The following XKR9 variants were observed in gnomAD, a reference collection of about 807,000 sequenced individuals.
XKR9 encodes the protein XK related 9, also known as XK-related protein 9.
In XKR9, 32 loss-of-function variants were observed where a neutral mutation model predicts 32.0. The ratio of observed to expected loss-of-function variants is 1.00; its 90% CI spans 0.76 to 1.34. The LOEUF (loss-of-function observed/expected upper bound fraction) is 1.34, where lower values mean the gene tolerates loss of function less well. XKR9 is among the 40% of genes most tolerant of loss of function. The pLI, the probability that XKR9 is intolerant of heterozygous loss-of-function variation, is 0.00. For missense variants in XKR9, 546 were observed against 429.7 expected (o/e 1.27, Z -2.39); for synonymous variants, 168 against 143.4 (o/e 1.17, Z -1.22).
chr8:70,986,050 A>G, the XKR9 span, among the ~76,000 whole-genome samples: 1 of 152,224 alleles, frequency 6.6e-6, no homozygotes, highest in Non-Finnish European at 1.5e-5. Flanking sequence ...TTACAGACCA[A>G]ATAATAATAC....
chr8:71,047,854 G>A, the XKR9 span, among the ~76,000 whole-genome samples: 5 of 152,152 alleles, frequency 3.3e-5, no homozygotes, highest in Non-Finnish European at 7.3e-5. Flanking sequence ...ATTTGTATAT[G>A]GAAGCACTTA....
Position 70,734,452 on chromosome 8 carries a change from T to A in XKR9, c.*28T>A, listed in dbSNP as rs1258072777. On this transcript the variant is annotated 3_prime_UTR_variant, in exon 5 of 5. Transcript: ENST00000408926. ...TATTCATTTATGATATATATTTTCT[T>A]ATATTTTGTTTCATTGGTTAGTAAA... The A allele has an allele frequency of 1.0e-5, 15 of 1,469,054 alleles. No homozygotes were observed. The highest frequency in any genetic ancestry group is 1.4e-5 in the African/African-American group (1 of 69,968). 91.0% of individuals were successfully genotyped at this position (1,469,054 alleles called of 1,614,324 possible).
the XKR9 span, among the ~76,000 whole-genome samples, chr8:70,862,657 A>G: frequency 6.6e-6 from 1 of 151,422 alleles, no homozygotes; most frequent in Non-Finnish European, 1.5e-5. Context: ...TTTATATACT[A>G]TATCTAATAA....
At chr8:70,924,305 C>A in the XKR9 span, among the ~76,000 whole-genome samples, 5 of 152,188 alleles carry the variant, frequency 3.3e-5, no homozygotes, top group Non-Finnish European at 7.4e-5. Context: ...TCCTGTTTTT[C>A]TTCCACCTGG....
chr8:70,976,683 T>C, the XKR9 span, among the ~76,000 whole-genome samples: 4 of 152,316 alleles, frequency 2.6e-5, no homozygotes, highest in South Asian at 6.2e-4. Context: ...AATTCTCTTT[T>C]TTTGTTATGT....
the XKR9 span, among the ~76,000 whole-genome samples, chr8:70,824,519 C>T: frequency 6.6e-6 from 1 of 151,928 alleles, no homozygotes; most frequent in Non-Finnish European, 1.5e-5. Flanking sequence ...TCAGTAGACC[C>T]AAGGAACAGG....
chr8:70,818,578 CT>C, the XKR9 span, among the ~76,000 whole-genome samples: 1 of 152,008 alleles, frequency 6.6e-6, no homozygotes, highest in Admixed American at 6.6e-5. Context: ...TCTGAGTGTC[CT>C]TAGGGATTCT....
chr8:70,810,444 T>C, the XKR9 span, among the ~76,000 whole-genome samples: 3 of 152,050 alleles, frequency 2.0e-5, no homozygotes, highest in Non-Finnish European at 4.4e-5. Flanking sequence ...ATAACAACAT[T>C]AACTTTAAAT....
At chr8:70,746,742 C>T (rs1298411023) in intron 2 of XKR9, among the ~76,000 whole-genome samples, 1 of 151,546 alleles carries the variant, frequency 6.6e-6, no homozygotes, top group Non-Finnish European at 1.5e-5. Flanking sequence ...AAACTTAATC[C>T]CCAATATGGC....
At chr8:70,955,270 C>T in the XKR9 span, among the ~76,000 whole-genome samples, 1 of 152,158 alleles carries the variant, frequency 6.6e-6, no homozygotes, top group African/African-American at 2.4e-5. Flanking sequence ...TAACACTCTG[C>T]TTGTTCTCTG....
intron 2 of XKR9, among the ~76,000 whole-genome samples, chr8:70,777,656 G>C (rs75175069): frequency 1.3e-5 from 2 of 152,048 alleles, no homozygotes; most frequent in Non-Finnish European, 2.9e-5. Context: ...ATTCTAACTG[G>C]CATGAGATGG....
the XKR9 span, among the ~76,000 whole-genome samples, chr8:71,018,183 A>G: frequency 3.2e-4 from 48 of 152,314 alleles, no homozygotes; most frequent in East Asian, 5.8e-3. Context: ...GGAAAAGCAA[A>G]GCAAAGACTT....
chr8:70,919,166 CAT>C, the XKR9 span, among the ~76,000 whole-genome samples: 1 of 152,138 alleles, frequency 6.6e-6, no homozygotes, highest in Non-Finnish European at 1.5e-5. Flanking sequence ...CTCTGCAATT[CAT>C]AGTCTGTCTT....
chr8:70,697,970 G>A (rs1174377890), intron 3 of XKR9, among the ~76,000 whole-genome samples: 1 of 152,048 alleles, frequency 6.6e-6, no homozygotes, highest in African/African-American at 2.4e-5. Flanking sequence ...GTTTATTTGT[G>A]TAGAGGTGTT....
the XKR9 span, among the ~76,000 whole-genome samples, chr8:71,057,178 A>G: frequency 4.6e-5 from 7 of 152,206 alleles, no homozygotes; most frequent in South Asian, 1.5e-3. Context: ...AACTTCACAC[A>G]ACAGTCAGGC....
At chr8:70,689,405 G>A (rs1320507861) in intron 3 of XKR9, among the ~76,000 whole-genome samples, 1 of 150,026 alleles carries the variant, frequency 6.7e-6, no homozygotes, top group Admixed American at 6.7e-5. Flanking sequence ...AGTATGGATT[G>A]GTATAATTTC....
Position 70,706,914 on chromosome 8 carries a change from GT to G in XKR9, c.273-16del. 1 of 1,571,370 alleles carries G rather than the reference GT, an allele frequency of 6.4e-7. No individual in the cohort carries two copies. The highest frequency in any genetic ancestry group is 8.7e-7 in the Non-Finnish European group (1 of 1,150,632). On this transcript the variant is annotated intron_variant, in intron 3 of 4. Coordinates refer to ENST00000408926, the MANE Select transcript of XKR9 (RefSeq NM_001011720.2). ...AAAGAATATAAAACTAAAGAGAAAT[GT>G]TTATGTTTACTTTATAGGTATTGGT... is the stretch of plus-strand genomic sequence containing the variant.
the XKR9 span, among the ~76,000 whole-genome samples, chr8:70,867,665 C>T: frequency 8.5e-5 from 13 of 152,136 alleles, no homozygotes; most frequent in South Asian, 2.1e-4. Context: ...TTGGCCAGGC[C>T]GGTCTCAAAT....
the XKR9 span, among the ~76,000 whole-genome samples, chr8:71,037,773 T>C: frequency 4.6e-5 from 7 of 152,214 alleles, no homozygotes; most frequent in Non-Finnish European, 1.5e-5. Context: ...TACAGTAATC[T>C]TAATGTCTTT....
Sources: gnomAD v4.1 joint callset for allele counts (sites outside exome capture counted in the v4.1 genomes callset) on GRCh38, gnomAD v4.1.1 for gene constraint, MANE v1.5 for transcripts, NCBI Gene and HGNC (gene_info 2026-07-23, HGNC 2026-07-21) for gene names.